Variants in DIAPH3 observed in about 807,000 individuals in gnomAD.
The protein encoded by DIAPH3 is diaphanous related formin 3, also known as protein diaphanous homolog 3.
In DIAPH3, 117 loss-of-function variants were observed where a neutral mutation model predicts 144.3. The ratio of observed to expected loss-of-function variants is 0.81; its 90% CI spans 0.70 to 0.95. DIAPH3 has a LOEUF of 0.95. Among genes scored for constraint, DIAPH3 ranks in the 40% least tolerant of loss-of-function variants. DIAPH3 has a pLI of 0.00. For synonymous variants in DIAPH3, 519 were observed against 488.9 expected (o/e 1.06, Z -0.81); for missense variants, 1,421 against 1,412.7 (o/e 1.01, Z -0.09).
At chr13:59,956,640 C>T (rs1432954028) in intron 17 of DIAPH3, among the ~76,000 whole-genome samples, 2 of 152,226 alleles carry the variant, frequency 1.3e-5, no homozygotes, top group Non-Finnish European at 2.9e-5. Context: ...ACAAAGTCCC[C>T]ACTAGGGCAC....
intron 27 of DIAPH3, among the ~76,000 whole-genome samples, chr13:59,770,644 C>T (rs929309350): frequency 6.6e-6 from 1 of 152,154 alleles, no homozygotes; most frequent in African/African-American, 2.4e-5. Flanking sequence ...CATTTCTACT[C>T]ATCTTTCAAG....
chr13:59,919,337 G>C lies in DIAPH3; in HGVS notation c.2171-3088C>G, dbSNP rs569244166. On this transcript the variant is annotated intron_variant, in intron 18 of 27. Coordinates refer to ENST00000400324, the MANE Select transcript of DIAPH3 (RefSeq NM_001042517.2). ...AAGGTAAAAGGTGTCTAGTATGATTGAATCCAATACTACACCATGACATTA... is the reference window on the plus strand; with the variant it reads ...AAGGTAAAAGGTGTCTAGTATGATTCAATCCAATACTACACCATGACATTA... Among the ~76,000 whole-genome samples the C allele has an allele frequency of 6.3e-4, 96 of 152,156 alleles. 3 individuals carry two copies. The South Asian group carries it at 0.02, about 31-fold the overall frequency.
intron 20 of DIAPH3, 50 bp downstream of exon 20, chr13:59,911,685 T>C: frequency 7.5e-7 from 1 of 1,334,022 alleles, no homozygotes; most frequent in Non-Finnish European, 1.1e-6. Flanking sequence ...AGTTGACAGG[T>C]TCTCTTGTTT....
intron 23 of DIAPH3, chr13:59,839,115 T>C (rs1168722469): frequency 1.3e-5 from 6 of 465,430 alleles, no homozygotes; most frequent in African/African-American, 4.0e-5. Context: ...AATAAATAAA[T>C]AAACAAACAG....
chr13:59,961,906 C>A (rs1431777546), intron 17 of DIAPH3, among the ~76,000 whole-genome samples: 3 of 152,056 alleles, frequency 2.0e-5, no homozygotes, highest in Non-Finnish European at 1.5e-5. Context: ...TTATTATTAT[C>A]TAATTAATGA....
At chr13:59,881,468 C>T (rs560401593) in intron 20 of DIAPH3, among the ~76,000 whole-genome samples, 11 of 151,898 alleles carry the variant, frequency 7.2e-5, no homozygotes, top group Non-Finnish European at 1.6e-4. Context: ...ATTTGTATTA[C>T]GAAATATATT....
chr13:59,934,538 T>C (rs1594045187), intron 17 of DIAPH3, among the ~76,000 whole-genome samples: 4 of 152,168 alleles, frequency 2.6e-5, no homozygotes. Context: ...GGGAGATATC[T>C]ATGAATTACT....
chr13:59,969,442 T>G (rs2050231467), intron 17 of DIAPH3, among the ~76,000 whole-genome samples: 1 of 152,186 alleles, frequency 6.6e-6, no homozygotes, highest in African/African-American at 2.4e-5. Flanking sequence ...CATGCAGGTT[T>G]GTTACATAGG....
In DIAPH3 at chr13:59,845,626, T is replaced by C. The variant is rs1013616228; in HGVS notation, c.2738-6178A>G. ...GTTCCCCTGCCCATATCCCTCTTCA[T>C]CTAATCTGTACCTGATCCTGGAAAT... On this transcript the variant is annotated intron_variant, in intron 22 of 27. Coordinates refer to ENST00000400324, the MANE Select transcript of DIAPH3 (RefSeq NM_001042517.2). Among the ~76,000 whole-genome samples the C allele has an allele frequency of 3.3e-5, 5 of 152,306 alleles. No individual in the cohort carries two copies. The South Asian group carries it at 6.2e-4, about 19-fold the overall frequency.
intron 4 of DIAPH3, among the ~76,000 whole-genome samples, chr13:60,064,684 C>G (rs1418185411): frequency 1.3e-5 from 2 of 152,178 alleles, no homozygotes; most frequent in Non-Finnish European, 2.9e-5. Flanking sequence ...GTTTTGCTTT[C>G]TTATCATTCA....
chr13:59,854,381 A>G (rs1327225389), intron 22 of DIAPH3, among the ~76,000 whole-genome samples: 1 of 152,172 alleles, frequency 6.6e-6, no homozygotes, highest in Non-Finnish European at 1.5e-5. Context: ...CTACTAATTC[A>G]AGATTCTGTA....
At chr13:60,161,232 C>T (rs1201691714) in intron 1 of DIAPH3, among the ~76,000 whole-genome samples, 4 of 152,194 alleles carry the variant, frequency 2.6e-5, no homozygotes, top group South Asian at 2.1e-4. Context: ...TTTAGGATAA[C>T]GTCACTTCAT....
At chr13:60,132,363 G>A (rs1176655130) in intron 2 of DIAPH3, among the ~76,000 whole-genome samples, 2 of 152,034 alleles carry the variant, frequency 1.3e-5, no homozygotes, top group Admixed American at 6.6e-5. Context: ...GTCATTGTTT[G>A]TGTTTTGTTG....
intron 12 of DIAPH3, among the ~76,000 whole-genome samples, chr13:59,989,232 T>C (rs1381961561): frequency 1.3e-5 from 2 of 151,560 alleles, no homozygotes; most frequent in Admixed American, 1.3e-4. Context: ...AAAACAACAC[T>C]CATAGACGTG....
At chr13:60,021,404 C>A (rs2054009081) in intron 5 of DIAPH3, among the ~76,000 whole-genome samples, 1 of 152,148 alleles carries the variant, frequency 6.6e-6, no homozygotes, top group Non-Finnish European at 1.5e-5. Flanking sequence ...GTGGGTGGAT[C>A]ACTTGAGGCC....
chr13:59,733,086 C>A (rs1474589658), intron 27 of DIAPH3, among the ~76,000 whole-genome samples: 1 of 152,044 alleles, frequency 6.6e-6, no homozygotes, highest in East Asian at 1.9e-4. Flanking sequence ...CTAGGATAGA[C>A]AATCTTTAGG....
At chr13:59,971,484 A>T (rs1346551606) in intron 15 of DIAPH3, among the ~76,000 whole-genome samples, 1 of 152,128 alleles carries the variant, frequency 6.6e-6, no homozygotes, top group Non-Finnish European at 1.5e-5. Context: ...GTCTCTGGAG[A>T]ACAGTTGAAG....
chr13:59,729,808 ATAT>A (rs1386407574), intron 27 of DIAPH3, among the ~76,000 whole-genome samples: 8 of 115,186 alleles, frequency 6.9e-5, no homozygotes, highest in African/African-American at 1.1e-4. Flanking sequence ...GAATACATTA[ATAT>A]TTTTTTTTTT....
At chr13:59,833,881 T>A (rs1043726778) in intron 23 of DIAPH3, among the ~76,000 whole-genome samples, 8 of 150,606 alleles carry the variant, frequency 5.3e-5, no homozygotes, top group Non-Finnish European at 1.2e-4. Context: ...ATACTTGTTA[T>A]CATCATCCCT....
Sources: gnomAD v4.1 joint callset for allele counts (sites outside exome capture counted in the v4.1 genomes callset) on GRCh38, gnomAD v4.1.1 for gene constraint, MANE v1.5 for transcripts, NCBI Gene and HGNC (gene_info 2026-07-23, HGNC 2026-07-21) for gene names.